The following NXPE1 variants were observed in gnomAD, a reference collection of about 807,000 sequenced individuals.
The protein encoded by NXPE1 is neurexophilin and PC-esterase domain family member 1, also known as NXPE family member 1.
In NXPE1, 31 loss-of-function variants were observed where a neutral mutation model predicts 33.3. The ratio of observed to expected loss-of-function variants is 0.93; its 90% CI spans 0.70 to 1.26. The LOEUF (loss-of-function observed/expected upper bound fraction) is 1.26, where lower values mean the gene tolerates loss of function less well. NXPE1 is among the 50% of genes most tolerant of loss of function. NXPE1 has a pLI of 0.00. For synonymous variants in NXPE1, 229 were observed against 231.4 expected, an observed-to-expected ratio of 0.99 and a Z score of 0.09; for missense variants, 661 against 655.6, an observed-to-expected ratio of 1.01 and a Z score of -0.09.
At position 114,529,901 on chromosome 11, in the gene NXPE1, TATC is replaced by T. The variant is rs1203805111; in HGVS notation, c.833+271_833+273del. 5 of 371,348 alleles carry T rather than the reference TATC, an allele frequency of 1.3e-5. No homozygotes were observed. The East Asian group carries it at 2.2e-4, about 16-fold the overall frequency. 23.0% of individuals were successfully genotyped at this position (371,348 alleles called of 1,614,324 possible). A position where few individuals can be genotyped will look rare whatever the true frequency, so the allele number is the denominator to read the frequency against. ...ATGGGAGGTGAAGGAGCATGGATGT[TATC>T]ATACACTTATCAAGGAATCTTTTTT... On this transcript the variant is annotated intron_variant, in intron 6 of 8. Transcript: ENST00000534921.
rs140870365 is a variant in NXPE1 at position 114,538,661 on chromosome 11, C to G, written c.100-7753G>C. Reference sequence around the variant, plus strand: ...TCTCAATAGAAGACATTTATTTATGCAGCCAAAAAACACGTGAAAAAATGC... The same window carrying G: ...TCTCAATAGAAGACATTTATTTATGGAGCCAAAAAACACGTGAAAAAATGC... On this transcript the variant is annotated intron_variant, in intron 5 of 8. Coordinates refer to ENST00000534921, the Ensembl canonical transcript of NXPE1. 1.3e-3 allele frequency among the ~76,000 whole-genome samples: 201 copies of G among 152,306 alleles called. 2 individuals are homozygous for G. Among genetic ancestry groups the G allele is most frequent in the African/African-American group, 4.7e-3 (194 of 41,560 alleles).
intron 5 of NXPE1, among the ~76,000 whole-genome samples, chr11:114,547,896 G>A (rs542676982): frequency 7.8e-4 from 118 of 152,158 alleles, no homozygotes; most frequent in African/African-American, 2.8e-3. Context: ...TGAAATGGAG[G>A]ATATTGGGTA....
intron 5 of NXPE1, among the ~76,000 whole-genome samples, chr11:114,534,807 G>T (rs1947734817): frequency 6.6e-6 from 1 of 152,172 alleles, no homozygotes; most frequent in Admixed American, 6.5e-5. Context: ...ACGTCTAATT[G>T]GTGTACCTGA....
downstream of NXPE1, among the ~76,000 whole-genome samples, chr11:114,519,653 A>T (rs552925085): frequency 6.6e-6 from 1 of 152,272 alleles, no homozygotes; most frequent in East Asian, 1.9e-4. Flanking sequence ...GAGGGGCAGG[A>T]GGGCATTCTA....
intron 1 of NXPE1, chr11:114,553,874 A>G: frequency 1.0e-6 from 1 of 968,186 alleles, no homozygotes; most frequent in Non-Finnish European, 1.2e-6. Context: ...ATAGGCCATG[A>G]TGGGTACATT....
intron 6 of NXPE1, 106 bp from the exon 7 acceptor site, chr11:114,528,007 G>A (rs2134940758): frequency 1.4e-6 from 1 of 711,052 alleles, no homozygotes; most frequent in East Asian, 2.7e-5. Context: ...TCTATAACTG[G>A]AAGCTGTTAT....
intron 5 of NXPE1, among the ~76,000 whole-genome samples, chr11:114,537,193 C>T (rs575772063): frequency 9.8e-5 from 15 of 152,302 alleles, no homozygotes; most frequent in Non-Finnish European, 2.1e-4. Context: ...ATGATTATCT[C>T]AATAGATGCA....
chr11:114,556,884 C>T (rs547820375), intron 1 of NXPE1, among the ~76,000 whole-genome samples: 1 of 150,810 alleles, frequency 6.6e-6, no homozygotes, highest in Admixed American at 6.6e-5. Context: ...ATTCCATTTT[C>T]TCCCTTTTTG....
intron 7 of NXPE1, among the ~76,000 whole-genome samples, chr11:114,524,851 C>T (rs1947321040): frequency 6.6e-6 from 1 of 152,076 alleles, no homozygotes; most frequent in Non-Finnish European, 1.5e-5. Context: ...TAAGCTTGAG[C>T]ATTTTGAACA....
chr11:114,529,582 G>A (rs1947499494), intron 6 of NXPE1: 1 of 152,602 alleles, frequency 6.6e-6, no homozygotes, highest in Non-Finnish European at 1.5e-5. Flanking sequence ...GGAATCACTA[G>A]GTCACAACAT....
At chr11:114,554,979 G>C (rs1948614431) in intron 1 of NXPE1, among the ~76,000 whole-genome samples, 1 of 151,820 alleles carries the variant, frequency 6.6e-6, no homozygotes, top group Non-Finnish European at 1.5e-5. Context: ...TAACTAGATA[G>C]TTACATGAGA....
exon 9 of NXPE1, chr11:114,521,958 TA>T (rs778569073): frequency 2.5e-5 from 40 of 1,590,084 alleles, no homozygotes; most frequent in Non-Finnish European, 3.3e-5. Context: ...TTTTGTATAG[TA>T]TTTATCCCTT....
At chr11:114,552,552 G>A (rs758394196) in intron 2 of NXPE1, among the ~76,000 whole-genome samples, 16 of 151,220 alleles carry the variant, frequency 1.1e-4, no homozygotes, top group East Asian at 7.8e-4. Context: ...ATATTTTCTC[G>A]GAATGTACAA....
rs2135054567 is a variant in NXPE1 at position 114,541,773 on chromosome 11, T to C, written c.99+9330A>G. 2.6e-5 allele frequency among the ~76,000 whole-genome samples: 4 copies of C among 152,272 alleles called. 1 individual carries two copies. The Middle Eastern group carries it at 0.014, about 518-fold the overall frequency. ...GATTAATAGAAGAATTTGAGCAAGA[T>C]AAAAAATCAGAGCTTAGTCCTCAGA... is the stretch of plus-strand genomic sequence containing the variant. On this transcript the variant is annotated intron_variant, in intron 5 of 8. Transcript: ENST00000534921.
chr11:114,533,630 G>A (rs1285403667), intron 5 of NXPE1, among the ~76,000 whole-genome samples: 1 of 152,240 alleles, frequency 6.6e-6, no homozygotes, highest in African/African-American at 2.4e-5. Context: ...AGCACACCAG[G>A]AGATTATATC....
At chr11:114,541,522 A>G (rs1038991416) in intron 5 of NXPE1, among the ~76,000 whole-genome samples, 3 of 152,244 alleles carry the variant, frequency 2.0e-5, no homozygotes, top group African/African-American at 7.2e-5. Flanking sequence ...GACACGTGAC[A>G]CAGCCGTCAG....
chr11:114,521,185 G>C (rs1466478714), downstream of NXPE1, among the ~76,000 whole-genome samples: 1 of 152,144 alleles, frequency 6.6e-6, no homozygotes, highest in Non-Finnish European at 1.5e-5. Context: ...GAGGATAAAT[G>C]TTCATATATT....
At chr11:114,524,267 G>C (rs1346783713) in intron 7 of NXPE1, among the ~76,000 whole-genome samples, 2 of 92,770 alleles carry the variant, frequency 2.2e-5, no homozygotes, top group Non-Finnish European at 3.9e-5. Flanking sequence ...CATGGGTCTA[G>C]CCACAACTGG....
At chr11:114,531,340 C>T (rs1418278980) in intron 5 of NXPE1, among the ~76,000 whole-genome samples, 4 of 152,124 alleles carry the variant, frequency 2.6e-5, no homozygotes, top group Non-Finnish European at 5.9e-5. Flanking sequence ...ACCTTTTAGT[C>T]ATGCCTAGTA....
Sources: allele counts gnomAD v4.1 joint callset (sites outside exome capture counted in the v4.1 genomes callset), GRCh38; gene constraint gnomAD v4.1.1; transcripts MANE v1.5; gene names NCBI Gene and HGNC (gene_info 2026-07-23, HGNC 2026-07-21).